FRMPD4: variants seen among roughly 807,000 people sequenced by gnomAD.
FRMPD4 encodes the protein FERM and PDZ domain containing 4.
In FRMPD4, 22 loss-of-function variants were observed where a neutral mutation model predicts 94.1. That is an observed-to-expected ratio of 0.23 (90% CI 0.17 to 0.33). The LOEUF (loss-of-function observed/expected upper bound fraction) is 0.33. Among genes scored for constraint, FRMPD4 ranks in the 10% least tolerant of loss-of-function variants. The pLI is 1.00. For synonymous variants in FRMPD4, 631 were observed against 548.6 expected (o/e 1.15, Z -2.10); for missense variants, 1,111 against 1,339.9 (o/e 0.83, Z 2.67).
intron 3 of FRMPD4, among the ~76,000 whole-genome samples, chrX:11,966,175 G>A (rs938081173): frequency 2.7e-5 from 3 of 111,506 alleles, no homozygotes; most frequent in Non-Finnish European, 3.8e-5. Flanking sequence ...ATATGCTATG[G>A]TCTGGATGTT....
At chrX:12,116,887 C>T (rs1339569492) in intron 3 of FRMPD4, among the ~76,000 whole-genome samples, 1 of 111,916 alleles carries the variant, frequency 8.9e-6, no homozygotes, top group Non-Finnish European at 1.9e-5. Context: ...TCTTTTTTCC[C>T]TATGCCAAGT....
At chrX:12,515,020 A>G (rs1231887923) in intron 2 of FRMPD4, among the ~76,000 whole-genome samples, 1 of 111,744 alleles carries the variant, frequency 8.9e-6, no homozygotes, top group African/African-American at 3.3e-5. Context: ...TATTTATAGT[A>G]TGCTCTGATG....
chrX:12,085,363 C>T (rs1265431121), intron 3 of FRMPD4, among the ~76,000 whole-genome samples: 2 of 111,151 alleles, frequency 1.8e-5, no homozygotes. Flanking sequence ...AATAATACCC[C>T]TTAATGAATT....
chrX:12,384,583 G>A (rs2056372038), intron 1 of FRMPD4, among the ~76,000 whole-genome samples: 1 of 111,663 alleles, frequency 9.0e-6, no homozygotes, highest in Admixed American at 9.5e-5. Flanking sequence ...GTAACTGTCT[G>A]GCAGACCGCT....
intron 2 of FRMPD4, among the ~76,000 whole-genome samples, chrX:12,522,615 T>TC (rs1877153175): frequency 1.2e-5 from 1 of 84,073 alleles, no homozygotes; most frequent in African/African-American, 4.0e-5. Context: ...TTTTTTTTTT[T>TC]CTTTTGAGAC....
intron 1 of FRMPD4, among the ~76,000 whole-genome samples, chrX:12,199,514 G>A (rs1033729618): frequency 1.8e-5 from 2 of 111,689 alleles, no homozygotes; most frequent in Non-Finnish European, 3.8e-5. Flanking sequence ...TGTACAGCCT[G>A]TGCAGGTATT....
At chrX:11,840,368 G>C (rs1158476378) in intron 1 of FRMPD4, among the ~76,000 whole-genome samples, 1 of 110,802 alleles carries the variant, frequency 9.0e-6, no homozygotes, top group Non-Finnish European at 1.9e-5. Context: ...TTTATTCATT[G>C]ATAGTACATA....
intron 1 of FRMPD4, among the ~76,000 whole-genome samples, chrX:11,843,355 T>C (rs576315756): frequency 1.8e-5 from 2 of 111,623 alleles, no homozygotes; most frequent in Admixed American, 1.9e-4. Flanking sequence ...TTTTTGGCTC[T>C]AGTATATCTC....
chrX:12,011,298 C>T (rs1044903264), intron 3 of FRMPD4, among the ~76,000 whole-genome samples: 3 of 111,678 alleles, frequency 2.7e-5, no homozygotes, highest in Non-Finnish European at 5.6e-5. Flanking sequence ...TTGGCCACTC[C>T]GAGGATAGAA....
chrX:12,692,907 A>G (rs989804241), intron 8 of FRMPD4, among the ~76,000 whole-genome samples: 14 of 111,454 alleles, frequency 1.3e-4, no homozygotes, highest in African/African-American at 3.6e-4. Context: ...AGTGTCCCCA[A>G]TTTCTTTATT....
chrX:12,189,299 A>G (rs1017539579), intron 1 of FRMPD4, among the ~76,000 whole-genome samples: 2 of 111,244 alleles, frequency 1.8e-5, no homozygotes, highest in African/African-American at 3.3e-5. Flanking sequence ...CCAAACATAA[A>G]GCACCAGGCC....
intron 1 of FRMPD4, among the ~76,000 whole-genome samples, chrX:12,317,603 A>C (rs891307716): frequency 5.1e-5 from 5 of 98,386 alleles, no homozygotes; most frequent in African/African-American, 8.8e-5. Context: ...AAAAAAAAAA[A>C]CAAAAAAAAC....
At chrX:12,374,267 A>G (rs1413051188) in intron 1 of FRMPD4, among the ~76,000 whole-genome samples, 1 of 112,283 alleles carries the variant, frequency 8.9e-6, no homozygotes, top group Non-Finnish European at 1.9e-5. Context: ...AAAAGATATT[A>G]TGTTACAGAA....
At chrX:11,988,148 G>A (rs1309225040) in intron 3 of FRMPD4, among the ~76,000 whole-genome samples, 1 of 111,157 alleles carries the variant, frequency 9.0e-6, no homozygotes, top group African/African-American at 3.3e-5. Context: ...TGAGCAAAAG[G>A]AATAAAAATA....
chrX:12,108,315 G>A (rs1375754782), intron 3 of FRMPD4, among the ~76,000 whole-genome samples: 1 of 111,395 alleles, frequency 9.0e-6, no homozygotes, highest in African/African-American at 3.3e-5. Context: ...TTCATATCCA[G>A]CCAAACTAAG....
intron 4 of FRMPD4, among the ~76,000 whole-genome samples, chrX:12,652,877 G>A (rs911921207): frequency 2.7e-5 from 3 of 111,910 alleles, no homozygotes; most frequent in African/African-American, 9.7e-5. Context: ...TCACTTTCAC[G>A]GTTCTTCCAT....
intron 3 of FRMPD4, among the ~76,000 whole-genome samples, chrX:12,610,667 G>C (rs753015135): frequency 9.2e-6 from 1 of 108,934 alleles, no homozygotes; most frequent in East Asian, 2.9e-4. Context: ...AGAATCGCTT[G>C]AACCCAGGAG....
intron 1 of FRMPD4, among the ~76,000 whole-genome samples, chrX:12,359,715 G>A (rs1454963052): frequency 1.8e-5 from 2 of 111,573 alleles, no homozygotes; most frequent in African/African-American, 6.5e-5. Flanking sequence ...TGATCCACCC[G>A]CCTTGGGCTC....
chrX:12,314,357 A>G (rs755322506), intron 1 of FRMPD4, among the ~76,000 whole-genome samples: 2 of 111,620 alleles, frequency 1.8e-5, no homozygotes, highest in South Asian at 7.7e-4. Flanking sequence ...TCCTGAAGGA[A>G]GTGGGCCTAA....
Sources: gnomAD v4.1 joint callset for allele counts (sites outside exome capture counted in the v4.1 genomes callset) on GRCh38, gnomAD v4.1.1 for gene constraint, MANE v1.5 for transcripts, NCBI Gene and HGNC (gene_info 2026-07-23, HGNC 2026-07-21) for gene names.